The following SOX5 variants were observed in gnomAD, a reference collection of about 807,000 sequenced individuals.
SOX5 encodes the protein SRY-box transcription factor 5, also known as transcription factor SOX-5.
A neutral mutation model predicts 92.0 loss-of-function variants in SOX5; 9 were observed. The ratio of observed to expected loss-of-function variants is 0.10; its 90% confidence interval spans 0.06 to 0.17. SOX5 has a LOEUF of 0.17. Among genes scored for constraint, SOX5 ranks in the 10% least tolerant of loss-of-function variants. SOX5 has a pLI of 1.00. For synonymous variants in SOX5, 344 were observed against 336.3 expected, an observed-to-expected ratio of 1.02 and a Z score of -0.25; for missense variants, 642 against 944.5, an observed-to-expected ratio of 0.68 and a Z score of 4.20.
chr12:23,804,986 A>G, intron 3 of SOX5, among the ~76,000 whole-genome samples: 1 of 132,126 alleles, frequency 7.6e-6, no homozygotes, highest in Non-Finnish European at 1.6e-5. Context: ...AAAAATCTTC[A>G]ACATAAAAAT....
At chr12:24,332,150 A>G (rs1373080679) in intron 2 of SOX5, among the ~76,000 whole-genome samples, 1 of 152,156 alleles carries the variant, frequency 6.6e-6, no homozygotes, top group African/African-American at 2.4e-5. Flanking sequence ...AAAAAGATGC[A>G]TATCTATAAT....
intron 4 of SOX5, among the ~76,000 whole-genome samples, chr12:23,988,289 A>T (rs545517762): frequency 3.7e-4 from 56 of 152,168 alleles, no homozygotes; most frequent in Non-Finnish European, 7.6e-4. Context: ...TCAGTCACCT[A>T]GGACTAGTTA....
At chr12:24,482,961 T>C (rs1946156881) in intron 1 of SOX5, among the ~76,000 whole-genome samples, 1 of 152,170 alleles carries the variant, frequency 6.6e-6, no homozygotes, top group African/African-American at 2.4e-5. Context: ...AATATACATA[T>C]ATAAATATAA....
intron 4 of SOX5, among the ~76,000 whole-genome samples, chr12:24,174,663 A>C (rs998413076): frequency 4.6e-5 from 7 of 152,160 alleles, no homozygotes; most frequent in Non-Finnish European, 1.5e-5. Flanking sequence ...CTGTACTAAA[A>C]ATACAAAATT....
chr12:23,577,023 G>A (rs1949228302), intron 9 of SOX5, among the ~76,000 whole-genome samples: 1 of 150,634 alleles, frequency 6.6e-6, no homozygotes, highest in African/African-American at 2.4e-5. Flanking sequence ...TGACATTAAA[G>A]TATATGTTAA....
chr12:24,378,008 C>A (rs1318981639), intron 1 of SOX5, among the ~76,000 whole-genome samples: 1 of 152,228 alleles, frequency 6.6e-6, no homozygotes, highest in Non-Finnish European at 1.5e-5. Flanking sequence ...ATTCCTTACT[C>A]GCCTAAGCAC....
chr12:23,718,391 C>G (rs1042318948), intron 6 of SOX5, among the ~76,000 whole-genome samples: 23 of 152,180 alleles, frequency 1.5e-4, no homozygotes, highest in African/African-American at 5.1e-4. Context: ...ATAAGGACCA[C>G]ACTTCCTATC....
chr12:24,162,971 T>C (rs1390974704), intron 4 of SOX5, among the ~76,000 whole-genome samples: 5 of 152,096 alleles, frequency 3.3e-5, no homozygotes, highest in African/African-American at 4.8e-5. Flanking sequence ...GTTTCCAATG[T>C]AGGTAAATGA....
At chr12:24,395,747 C>T (rs931175144) in intron 1 of SOX5, among the ~76,000 whole-genome samples, 8 of 152,146 alleles carry the variant, frequency 5.3e-5, no homozygotes, top group Non-Finnish European at 5.9e-5. Context: ...ATTTCATGGA[C>T]CCTGACAGGC....
chr12:24,059,969 C>A (rs1387555400), intron 4 of SOX5, among the ~76,000 whole-genome samples: 1 of 152,080 alleles, frequency 6.6e-6, no homozygotes, highest in Non-Finnish European at 1.5e-5. Context: ...TAATAAATTA[C>A]ATGAATGGAA....
intron 4 of SOX5, among the ~76,000 whole-genome samples, chr12:24,170,849 G>A (rs1954001801): frequency 6.6e-6 from 1 of 152,162 alleles, no homozygotes; most frequent in Non-Finnish European, 1.5e-5. Flanking sequence ...CCAAGCCACT[G>A]CTGCACCTAC....
intron 4 of SOX5, among the ~76,000 whole-genome samples, chr12:24,164,459 A>T (rs1052687289): frequency 6.6e-6 from 1 of 152,056 alleles, no homozygotes; most frequent in South Asian, 2.1e-4. Context: ...CTTATTTACC[A>T]AGGAGAAAAA....
At chr12:24,181,237 G>T (rs542848137) in intron 4 of SOX5, among the ~76,000 whole-genome samples, 1 of 152,224 alleles carries the variant, frequency 6.6e-6, no homozygotes, top group African/African-American at 2.4e-5. Flanking sequence ...GCTCCCCATT[G>T]GGGTCTGATT....
At position 23,532,394 on chromosome 12, in the gene SOX5, A is replaced by T. The variant is rs1939287219; in HGVS notation, c.*1825T>A. On this transcript the variant is annotated 3_prime_UTR_variant, in exon 15 of 15. Transcript: ENST00000451604. ...AAATGATGACTGGAGTGAAAACTAT[A>T]GCACATCAAGCTACTAGTTGCAGTA... is the stretch of plus-strand genomic sequence containing the variant. 6.6e-6 allele frequency: 1 copy of T among 152,230 alleles called. No individual in the cohort carries two copies. 9.4% of individuals were successfully genotyped at this position (152,230 alleles called of 1,614,324 possible). A position where few individuals can be genotyped will look rare whatever the true frequency, so the allele number is the denominator to read the frequency against.
Position 23,672,466 on chromosome 12 carries a change from T to A in SOX5, c.811-6902A>T, listed in dbSNP as rs550475477. Among the ~76,000 whole-genome samples, 19 of 152,296 alleles carry A rather than the reference T, an allele frequency of 1.2e-4. No individual in the cohort carries two copies. The South Asian group carries it at 3.7e-3, about 30-fold the overall frequency. On this transcript the variant is annotated intron_variant, in intron 6 of 14. Transcript: ENST00000451604. ...GTCACCAAAGGGCCCCTGGGCCCTA[T>A]GAGTTTATATGATACAAACTCAATT...
chr12:23,812,258 T>A (rs955186081), intron 3 of SOX5, among the ~76,000 whole-genome samples: 1 of 152,182 alleles, frequency 6.6e-6, no homozygotes, highest in Admixed American at 6.6e-5. Context: ...ACTGTTTTTT[T>A]AATCATCTAT....
intron 2 of SOX5, among the ~76,000 whole-genome samples, chr12:23,877,674 G>C (rs1180025855): frequency 6.6e-6 from 1 of 152,048 alleles, no homozygotes; most frequent in Non-Finnish European, 1.5e-5. Context: ...ATTCCATATG[G>C]AGTGTGAATA....
At position 24,217,946 on chromosome 12, in the gene SOX5, G is replaced by T. The variant is rs1439890345; in HGVS notation, c.-76-4529C>A. Among the ~76,000 whole-genome samples, 69 of 152,170 alleles carry T rather than the reference G, an allele frequency of 4.5e-4. 4 individuals carry two copies. Among genetic ancestry groups the T allele is most frequent in the Admixed American group, 4.5e-3 (69 of 15,272 alleles). On this transcript the variant is annotated intron_variant, in intron 3 of 4. Coordinates refer to the SOX5 transcript ENST00000446891. Reference sequence around the variant, plus strand: ...ATGACATGCCACTATATATCCACTAGGATGGCTATAAAAACAAGACAGATA... The same window carrying T: ...ATGACATGCCACTATATATCCACTATGATGGCTATAAAAACAAGACAGATA...
intron 2 of SOX5, among the ~76,000 whole-genome samples, chr12:24,284,432 TTG>T (rs59803171): frequency 3.0e-4 from 45 of 149,672 alleles, no homozygotes; most frequent in Middle Eastern, 3.4e-3. Context: ...TTTTTTTTCT[TTG>T]TGTGTGTGTG....
Sources: gnomAD v4.1 joint callset for allele counts (sites outside exome capture counted in the v4.1 genomes callset) on GRCh38, gnomAD v4.1.1 for gene constraint, MANE v1.5 for transcripts, NCBI Gene and HGNC (gene_info 2026-07-23, HGNC 2026-07-21) for gene names.